ST8SIA6: variants seen among roughly 807,000 people sequenced by gnomAD.
ST8SIA6 encodes alpha-2,8-sialyltransferase 8F.
ST8SIA6 carries 39 observed loss-of-function variants against 33.6 expected under a neutral mutation model. The observed-to-expected ratio is 1.16, with a 90% confidence interval of 0.90 to 1.52. The LOEUF (loss-of-function observed/expected upper bound fraction) is 1.52, where lower values mean the gene tolerates loss of function less well. Ranked by LOEUF, ST8SIA6 falls within the 40% of genes most tolerant of loss-of-function variation. The probability of loss-of-function intolerance (pLI) is 0.00; values close to 1 mark genes in which losing one functional copy is unlikely to be tolerated. For missense variants in ST8SIA6, 441 were observed against 443.8 expected, an observed-to-expected ratio of 0.99 and a Z score of 0.06; for synonymous variants, 172 against 167.2, an observed-to-expected ratio of 1.03 and a Z score of -0.22.
chr10:17,429,749 T>C (rs568376864), intron 2 of ST8SIA6, among the ~76,000 whole-genome samples: 18 of 152,266 alleles, frequency 1.2e-4, no homozygotes, highest in Admixed American at 5.9e-4. Context: ...CCTCCCAGAG[T>C]GTCAGGATTA....
intron 4 of ST8SIA6, among the ~76,000 whole-genome samples, chr10:17,348,080 A>G (rs1239977704): frequency 6.9e-6 from 1 of 144,202 alleles, no homozygotes; most frequent in East Asian, 2.0e-4. Context: ...TTTAATTTGC[A>G]GACAAAAAAA....
chr10:17,331,588 T>C (rs772521701), intron 4 of ST8SIA6, 36 bp from the exon 5 acceptor site: 2 of 1,577,194 alleles, frequency 1.3e-6, no homozygotes, highest in South Asian at 2.4e-5. Flanking sequence ...AGCCAAAGTA[T>C]AAGATTAAGA....
chr10:17,404,220 AT>A (rs1358504980), intron 2 of ST8SIA6, among the ~76,000 whole-genome samples: 1 of 152,158 alleles, frequency 6.6e-6, no homozygotes, highest in Non-Finnish European at 1.5e-5. Context: ...TACTAGGTCT[AT>A]TTTATAAACT....
chr10:17,417,524 A>T (rs1489355166), intron 2 of ST8SIA6, among the ~76,000 whole-genome samples: 1 of 148,604 alleles, frequency 6.7e-6, no homozygotes, highest in Non-Finnish European at 1.5e-5. Flanking sequence ...CGCCATCAGC[A>T]TTTATTTCGA....
chr10:17,322,618 C>T (rs1383476776), intron 7 of ST8SIA6, among the ~76,000 whole-genome samples: 2 of 152,088 alleles, frequency 1.3e-5, no homozygotes, highest in African/African-American at 4.8e-5. Context: ...AGTTATGTTG[C>T]AGAAATGAAA....
chr10:17,336,672 C>A (rs932199630), intron 4 of ST8SIA6, among the ~76,000 whole-genome samples: 2 of 150,564 alleles, frequency 1.3e-5, no homozygotes, highest in African/African-American at 4.9e-5. Context: ...CAGCTCACTG[C>A]AACTTCCACC....
intron 2 of ST8SIA6, among the ~76,000 whole-genome samples, chr10:17,415,604 A>T (rs1851577643): frequency 6.6e-6 from 1 of 151,978 alleles, no homozygotes; most frequent in Non-Finnish European, 1.5e-5. Flanking sequence ...GGGTCATTGG[A>T]CACTCACCTT....
chr10:17,320,832 A>C lies in ST8SIA6; in HGVS notation c.*46T>G. 1 of 1,575,126 alleles carries C rather than the reference A, an allele frequency of 6.3e-7. No individual in the cohort carries two copies. The highest frequency in any genetic ancestry group is 8.7e-7 in the Non-Finnish European group (1 of 1,149,944). ...TTGGTGTTTGGAGACATTGTTAATC[A>C]CCTACTGCATTATATTAAAATTATT... On this transcript the variant is annotated 3_prime_UTR_variant, in exon 8 of 8. Coordinates refer to ENST00000377602, the MANE Select transcript of ST8SIA6 (RefSeq NM_001004470.3).
At chr10:17,345,936 G>A (rs562007720) in intron 4 of ST8SIA6, among the ~76,000 whole-genome samples, 8 of 152,104 alleles carry the variant, frequency 5.3e-5, no homozygotes, top group East Asian at 1.9e-4. Context: ...AAATTCCTCC[G>A]CTTGAATCGG....
intron 2 of ST8SIA6, among the ~76,000 whole-genome samples, chr10:17,392,814 C>G (rs1315051724): frequency 6.6e-6 from 1 of 152,140 alleles, no homozygotes; most frequent in South Asian, 2.1e-4. Flanking sequence ...CGATGAAATG[C>G]CCACTGTATG....
chr10:17,438,427 A>G (rs1357337266), intron 2 of ST8SIA6, among the ~76,000 whole-genome samples: 2 of 152,204 alleles, frequency 1.3e-5, no homozygotes, highest in Non-Finnish European at 2.9e-5. Context: ...AACATATACA[A>G]ACATTATGGA....
At position 17,326,947 on chromosome 10, in the gene ST8SIA6, A is replaced by G. The variant is rs41310227; in HGVS notation, c.635+67T>C. 2,224 of 1,120,032 alleles carry G rather than the reference A, an allele frequency of 2.0e-3. 15 individuals are homozygous for G. Among genetic ancestry groups the G allele is most frequent in the Middle Eastern group, 0.012 (56 of 4,662 alleles). 69.4% of individuals were successfully genotyped at this position (1,120,032 alleles called of 1,614,324 possible). A position where few individuals can be genotyped will look rare whatever the true frequency, so the allele number is the denominator to read the frequency against. On this transcript the variant is annotated intron_variant, in intron 6 of 7. Coordinates refer to ENST00000377602, the MANE Select transcript of ST8SIA6 (RefSeq NM_001004470.3). ...GTGAAAATATACAATGGATATCTTTACACTATCCCCCTCTGAAATACCCAA... is the reference window on the plus strand; with the variant it reads ...GTGAAAATATACAATGGATATCTTTGCACTATCCCCCTCTGAAATACCCAA...
chr10:17,364,294 C>T lies in ST8SIA6; in HGVS notation c.291-4694G>A, dbSNP rs539782465. On this transcript the variant is annotated intron_variant, in intron 3 of 7. Transcript: ENST00000377602. ...TCCAATTTAACCTAATATTGAAAGA[C>T]GCCAATCATAATGTATCTAAGCTTA... Among the ~76,000 whole-genome samples, 10 of 152,248 alleles carry T rather than the reference C, an allele frequency of 6.6e-5. 1 individual carries two copies. The highest frequency in any genetic ancestry group is 6.2e-4 in the South Asian group (3 of 4,822).
chr10:17,372,213 T>C (rs1379606309), intron 3 of ST8SIA6, among the ~76,000 whole-genome samples: 1 of 152,236 alleles, frequency 6.6e-6, no homozygotes, highest in African/African-American at 2.4e-5. Context: ...AGTAGGGTAC[T>C]GCTACGTAAG....
chr10:17,412,487 A>G (rs1272033137), intron 2 of ST8SIA6, among the ~76,000 whole-genome samples: 1 of 152,160 alleles, frequency 6.6e-6, no homozygotes, highest in African/African-American at 2.4e-5. Flanking sequence ...AGGGGATATG[A>G]TGTGATCTAA....
At chr10:17,357,861 G>C (rs1004468934) in intron 4 of ST8SIA6, among the ~76,000 whole-genome samples, 4 of 152,130 alleles carry the variant, frequency 2.6e-5, no homozygotes, top group Non-Finnish European at 4.4e-5. Context: ...CTCACTACCT[G>C]AATCTCTCCC....
chr10:17,402,166 A>G (rs1851069907), intron 2 of ST8SIA6, among the ~76,000 whole-genome samples: 1 of 152,260 alleles, frequency 6.6e-6, no homozygotes, highest in South Asian at 2.1e-4. Flanking sequence ...CAGCCAACAG[A>G]CACATGAAAA....
At position 17,369,891 on chromosome 10, in the gene ST8SIA6, A is replaced by T. The variant is rs76197926; in HGVS notation, c.291-10291T>A. ...CTATCTGCACAATGTAACTTTTTCCATCCTTTTACTTTCAATCTATTGTAT... is the reference window on the plus strand; with the variant it reads ...CTATCTGCACAATGTAACTTTTTCCTTCCTTTTACTTTCAATCTATTGTAT... On this transcript the variant is annotated intron_variant, in intron 3 of 7. Coordinates refer to ENST00000377602, the MANE Select transcript of ST8SIA6 (RefSeq NM_001004470.3). Among the ~76,000 whole-genome samples, 1,317 of 151,992 alleles carry T rather than the reference A, an allele frequency of 8.7e-3. 23 individuals are homozygous for T. Among genetic ancestry groups the T allele is most frequent in the African/African-American group, 0.03 (1,264 of 41,456 alleles).
rs1038364749 is a variant in ST8SIA6 at position 17,454,001 on chromosome 10, C to T, written c.101+154G>A. On this transcript the variant is annotated intron_variant, in intron 1 of 7. Coordinates refer to ENST00000377602, the MANE Select transcript of ST8SIA6 (RefSeq NM_001004470.3). The surrounding 1 kb of genome is among the most constrained non-coding windows in gnomAD (Gnocchi z 4.1). ...GGGTCGCCTCCCTGCGACCCCCTCCCCCACTCCACTCTCAGGCCGTCGCCG... is the reference window on the plus strand; with the variant it reads ...GGGTCGCCTCCCTGCGACCCCCTCCTCCACTCCACTCTCAGGCCGTCGCCG... Among the ~76,000 whole-genome samples, 1 of 152,110 alleles carries T rather than the reference C, an allele frequency of 6.6e-6. No homozygotes were observed. The highest frequency in any genetic ancestry group is 1.5e-5 in the Non-Finnish European group (1 of 68,004).
Sources: allele counts gnomAD v4.1 joint callset (sites outside exome capture counted in the v4.1 genomes callset), GRCh38; gene constraint gnomAD v4.1.1; non-coding constraint Gnocchi (gnomAD v3.1); transcripts MANE v1.5; gene names NCBI Gene and HGNC (gene_info 2026-07-23, HGNC 2026-07-21).